The following STXBP4 variants were observed in gnomAD, a reference collection of about 807,000 sequenced individuals.
STXBP4 encodes syntaxin-binding protein 4.
In STXBP4, 55 loss-of-function variants were observed where a neutral mutation model predicts 76.1. That is an observed-to-expected ratio of 0.72 (90% confidence interval 0.58 to 0.91). The LOEUF is 0.91. Ranked by LOEUF, STXBP4 falls within the 40% of genes least tolerant of loss-of-function variation. The pLI, the probability that STXBP4 is intolerant of heterozygous loss-of-function variation, is 0.00. For synonymous variants in STXBP4, 201 were observed against 220.2 expected (o/e 0.91, Z 0.77); for missense variants, 618 against 636.9 (o/e 0.97, Z 0.32).
At chr17:55,150,004 A>G (rs1395177888) in intron 17 of STXBP4, among the ~76,000 whole-genome samples, 2 of 152,146 alleles carry the variant, frequency 1.3e-5, no homozygotes, top group Non-Finnish European at 2.9e-5. Flanking sequence ...AGATATTAAA[A>G]TAAATTATTT....
chr17:55,018,386 C>T (rs1246196457), intron 8 of STXBP4, among the ~76,000 whole-genome samples: 2 of 152,018 alleles, frequency 1.3e-5, no homozygotes, highest in Non-Finnish European at 2.9e-5. Context: ...GGACAGCGAG[C>T]GAAAACTCAG....
Position 55,081,107 on chromosome 17 carries a change from A to G in STXBP4, c.1413A>G (p.Gly471=). ...QTSLTPLGRN[G]RSIPATLALE... ...CCCTCACACCACTGGGAAGGAATGG[A>G]CGTAGCATCCCAGCAACGCTGGCGC... The change falls in exon 16 of 18, where the codon GGA becomes GGG. Residue 471 remains glycine (G), a synonymous_variant. Coordinates refer to ENST00000376352, the MANE Select transcript of STXBP4 (RefSeq NM_178509.6). The G allele has an allele frequency of 1.3e-6, 2 of 1,559,148 alleles. No individual in the cohort carries two copies. Among genetic ancestry groups the G allele is most frequent in the Non-Finnish European group, 1.7e-6 (2 of 1,156,824 alleles).
the STXBP4 span, among the ~76,000 whole-genome samples, chr17:55,197,757 A>G: frequency 6.6e-6 from 1 of 151,852 alleles, no homozygotes; most frequent in East Asian, 1.9e-4. Flanking sequence ...AAAAAAAAGA[A>G]GAAAAAAGAA....
chr17:55,089,191 A>ATGT (rs554572202), intron 16 of STXBP4, among the ~76,000 whole-genome samples: 329 of 152,202 alleles, frequency 2.2e-3, no homozygotes, highest in Non-Finnish European at 3.7e-3. Flanking sequence ...CCCTGTATGG[A>ATGT]TGTTGTTGTT....
chr17:55,044,640 T>G (rs1231616166), intron 11 of STXBP4: 3 of 151,974 alleles, frequency 2.0e-5, no homozygotes, highest in African/African-American at 7.2e-5. Flanking sequence ...CTCTACTATT[T>G]AAAACATAAA....
chr17:54,992,559 G>A (rs2077734658), intron 4 of STXBP4, among the ~76,000 whole-genome samples: 1 of 151,860 alleles, frequency 6.6e-6, no homozygotes, highest in African/African-American at 2.4e-5. Context: ...CAAGAATTGA[G>A]GTGTTACTTT....
intron 12 of STXBP4, among the ~76,000 whole-genome samples, chr17:55,063,216 A>G (rs1036460059): frequency 3.3e-5 from 5 of 152,236 alleles, no homozygotes; most frequent in Non-Finnish European, 7.3e-5. Flanking sequence ...TTGGCAAACA[A>G]AGGTGTCTAT....
At position 55,011,508 on chromosome 17, in the gene STXBP4, C is replaced by CTTTT. The variant is rs3080154; in HGVS notation, c.666+3925_666+3928dup. The stretch of plus-strand genomic sequence containing the variant: ...GGATCAAAGAGTTTATTTTCTTTTT[C>CTTTT]TTTTTTTTTTTTTTTTTGCAGTTGC... On this transcript the variant is annotated intron_variant, in intron 8 of 17. Transcript: ENST00000376352. 9.8e-4 allele frequency among the ~76,000 whole-genome samples: 84 copies of CTTTT among 85,922 alleles called. 3 individuals carry two copies. Among genetic ancestry groups the CTTTT allele is most frequent in the African/African-American group, 2.4e-3 (45 of 18,806 alleles). The allele number at this position is 85,922 out of a possible 152,430, so 56.4% of individuals were successfully genotyped here. A position where few individuals can be genotyped will look rare whatever the true frequency, so the allele number is the denominator to read the frequency against.
intron 16 of STXBP4, among the ~76,000 whole-genome samples, chr17:55,135,365 C>CT (rs1182428472): frequency 6.6e-6 from 1 of 151,682 alleles, no homozygotes; most frequent in Non-Finnish European, 1.5e-5. Context: ...ATGTCATTTG[C>CT]TTTTTTTTCC....
At chr17:55,043,887 C>T (rs191900220) in intron 11 of STXBP4, 181 of 457,084 alleles carry the variant, frequency 4.0e-4, no homozygotes, top group African/African-American at 3.3e-3. Context: ...CGCACTCTGT[C>T]GCCCAGGCTG....
chr17:55,093,280 G>A (rs1055138088), intron 16 of STXBP4, among the ~76,000 whole-genome samples: 12 of 152,084 alleles, frequency 7.9e-5, no homozygotes, highest in Admixed American at 2.0e-4. Flanking sequence ...ATGAGTCACC[G>A]CACCCAGCCA....
the STXBP4 span, among the ~76,000 whole-genome samples, chr17:55,211,511 A>G: frequency 8.5e-5 from 13 of 152,092 alleles, no homozygotes; most frequent in African/African-American, 2.9e-4. Context: ...ATTTTCTTTC[A>G]TCACACATTA....
chr17:55,143,711 G>A (rs2080119108), intron 17 of STXBP4, among the ~76,000 whole-genome samples: 1 of 152,184 alleles, frequency 6.6e-6, no homozygotes, highest in African/African-American at 2.4e-5. Flanking sequence ...AAAGAACAGA[G>A]AGATGCTACA....
the STXBP4 span, among the ~76,000 whole-genome samples, chr17:55,181,413 A>T: frequency 6.6e-6 from 1 of 152,218 alleles, no homozygotes; most frequent in African/African-American, 2.4e-5. Context: ...TTCCTACTCA[A>T]ATTTCACCTT....
intron 1 of STXBP4, among the ~76,000 whole-genome samples, chr17:54,972,730 T>A (rs892057984): frequency 9.2e-5 from 14 of 152,308 alleles, no homozygotes; most frequent in African/African-American, 3.4e-4. Flanking sequence ...GCACTAGAAG[T>A]GTTCATTACT....
At chr17:55,204,179 A>T in the STXBP4 span, among the ~76,000 whole-genome samples, 1 of 151,526 alleles carries the variant, frequency 6.6e-6, no homozygotes, top group Non-Finnish European at 1.5e-5. Flanking sequence ...CCTATCTTCC[A>T]GTTCACTAAT....
chr17:55,031,314 G>A (rs1237606251), intron 9 of STXBP4, 50 bp downstream of exon 9: 1 of 1,366,328 alleles, frequency 7.3e-7, no homozygotes, highest in Non-Finnish European at 1.0e-6. Flanking sequence ...TCATTCAAGA[G>A]TTATGGTGAC....
At chr17:55,182,015 G>C in the STXBP4 span, among the ~76,000 whole-genome samples, 2 of 152,124 alleles carry the variant, frequency 1.3e-5, no homozygotes, top group African/African-American at 2.4e-5. Context: ...CCTGAAACTG[G>C]ATCAATATAA....
At chr17:55,089,187 A>G (rs1349822887) in intron 16 of STXBP4, among the ~76,000 whole-genome samples, 1 of 152,184 alleles carries the variant, frequency 6.6e-6, no homozygotes, top group Non-Finnish European at 1.5e-5. Context: ...TGTTCCCTGT[A>G]TGGATGTTGT....
Sources: allele counts gnomAD v4.1 joint callset (sites outside exome capture counted in the v4.1 genomes callset), GRCh38; gene constraint gnomAD v4.1.1; transcripts MANE v1.5; gene names NCBI Gene and HGNC (gene_info 2026-07-23, HGNC 2026-07-21).